SAMTOR: variants seen among roughly 807,000 people sequenced by gnomAD.
SAMTOR encodes the protein S-adenosylmethionine sensor upstream of mTORC1, also known as UPF0532 protein C7orf60.
At chr7:112,910,627 G>C in the SAMTOR span, among the ~76,000 whole-genome samples, 1 of 152,224 alleles carries the variant, frequency 6.6e-6, no homozygotes, top group African/African-American at 2.4e-5. Flanking sequence ...ATAACATTTA[G>C]TATCTCTAAT....
the SAMTOR span, among the ~76,000 whole-genome samples, chr7:112,927,497 A>T: frequency 6.6e-6 from 1 of 152,048 alleles, no homozygotes; most frequent in African/African-American, 2.4e-5. Context: ...GCATCTGTGA[A>T]TGACTCAAAA....
the SAMTOR span, among the ~76,000 whole-genome samples, chr7:112,847,933 G>A: frequency 4.3e-3 from 655 of 152,232 alleles, 6 homozygotes; most frequent in Middle Eastern, 0.017. Context: ...GAGACCAGAA[G>A]TTCAAGACCA....
At chr7:112,832,765 G>T in the SAMTOR span, 7 of 811,408 alleles carry the variant, frequency 8.6e-6, no homozygotes, top group Non-Finnish European at 1.4e-5. Flanking sequence ...TTGGTCTCAG[G>T]ACCCTTTTAC....
chr7:112,865,029 C>T, the SAMTOR span, among the ~76,000 whole-genome samples: 2 of 152,206 alleles, frequency 1.3e-5, no homozygotes, highest in Admixed American at 6.5e-5. Context: ...GCTGGGATTA[C>T]AGGTGTGAGC....
the SAMTOR span, among the ~76,000 whole-genome samples, chr7:112,903,835 T>C: frequency 6.6e-6 from 1 of 152,166 alleles, no homozygotes; most frequent in Admixed American, 6.5e-5. Context: ...GTTTGTAAGA[T>C]GGGTGAACTC....
the SAMTOR span, among the ~76,000 whole-genome samples, chr7:112,884,459 G>C: frequency 3.3e-5 from 5 of 152,258 alleles, no homozygotes; most frequent in Admixed American, 2.0e-4. Flanking sequence ...GATACAATGG[G>C]GGTACAGGCA....
the SAMTOR span, among the ~76,000 whole-genome samples, chr7:112,899,090 A>G: frequency 6.6e-6 from 1 of 152,138 alleles, no homozygotes; most frequent in Non-Finnish European, 1.5e-5. Flanking sequence ...CACCAAACAG[A>G]CTAAATGAGG....
the SAMTOR span, among the ~76,000 whole-genome samples, chr7:112,934,756 C>G: frequency 6.6e-6 from 1 of 152,134 alleles, no homozygotes; most frequent in African/African-American, 2.4e-5. Flanking sequence ...GGCTAAGAAC[C>G]GCTATGTTAG....
the SAMTOR span, among the ~76,000 whole-genome samples, chr7:112,885,174 G>T: frequency 9.6e-5 from 14 of 145,356 alleles, no homozygotes; most frequent in Non-Finnish European, 3.1e-5. Context: ...GGCAGGGGGG[G>T]CCCTGGGATC....
the SAMTOR span, among the ~76,000 whole-genome samples, chr7:112,844,237 C>G: frequency 6.6e-6 from 1 of 152,136 alleles, no homozygotes; most frequent in African/African-American, 2.4e-5. Context: ...TGCCCTCTCA[C>G]CACTCCTATT....
the SAMTOR span, among the ~76,000 whole-genome samples, chr7:112,854,290 G>C: frequency 2.0e-5 from 3 of 152,028 alleles, no homozygotes; most frequent in African/African-American, 7.2e-5. Context: ...AAAGATTATT[G>C]GTTTTGATTG....
chr7:112,822,239 A>C, the SAMTOR span: 3 of 1,613,672 alleles, frequency 1.9e-6, no homozygotes, highest in Non-Finnish European at 2.5e-6. Flanking sequence ...GAGAGAAAAC[A>C]ACCACATGGA....
the SAMTOR span, chr7:112,895,440 T>C: frequency 5.1e-6 from 3 of 587,578 alleles, no homozygotes; most frequent in African/African-American, 5.7e-5. Flanking sequence ...ATTACCTATC[T>C]GCATTTCTCA....
chr7:112,829,916 C>T, the SAMTOR span, among the ~76,000 whole-genome samples: 2 of 152,132 alleles, frequency 1.3e-5, no homozygotes, highest in Non-Finnish European at 2.9e-5. Flanking sequence ...TGGACAGTAC[C>T]TTATCTAGTC....
chr7:112,835,134 G>A, the SAMTOR span, among the ~76,000 whole-genome samples: 1 of 151,980 alleles, frequency 6.6e-6, no homozygotes, highest in Admixed American at 6.6e-5. Flanking sequence ...GTGTCAGCAT[G>A]TACTCTCTGT....
At chr7:112,939,343 G>A in the SAMTOR span, 6 of 571,228 alleles carry the variant, frequency 1.1e-5, no homozygotes, top group African/African-American at 5.7e-5. Context: ...GGGCTTGGAG[G>A]GGGTGGGGAC....
chr7:112,937,493 A>C, the SAMTOR span, among the ~76,000 whole-genome samples: 1 of 151,984 alleles, frequency 6.6e-6, no homozygotes, highest in African/African-American at 2.4e-5. Flanking sequence ...TCAAAGTAAA[A>C]CACTAAAAAT....
chr7:112,890,439 G>C, the SAMTOR span, among the ~76,000 whole-genome samples: 1 of 151,776 alleles, frequency 6.6e-6, no homozygotes, highest in African/African-American at 2.4e-5. Flanking sequence ...GCAAATTACT[G>C]AGAAACACTA....
At chr7:112,915,160 C>A in the SAMTOR span, 2 of 611,644 alleles carry the variant, frequency 3.3e-6, no homozygotes. Context: ...ACTGATTGAA[C>A]CCGGGAGGTG....
Sources: allele counts gnomAD v4.1 joint callset (sites outside exome capture counted in the v4.1 genomes callset), GRCh38; gene constraint gnomAD v4.1.1; transcripts MANE v1.5; gene names NCBI Gene and HGNC (gene_info 2026-07-23, HGNC 2026-07-21).